Variants in GRM3 observed in about 807,000 individuals in gnomAD.
GRM3 encodes glutamate metabotropic receptor 3, also known as metabotropic glutamate receptor 3.
In GRM3, 26 loss-of-function variants were observed where a neutral mutation model predicts 70.5. The ratio of observed to expected loss-of-function variants is 0.37; its 90% confidence interval spans 0.27 to 0.51. The LOEUF is 0.51. GRM3 is among the 20% of genes least tolerant of loss of function. The probability of loss-of-function intolerance (pLI) is 0.93; values close to 1 mark genes in which losing one functional copy is unlikely to be tolerated. For missense variants in GRM3, 859 were observed against 1,123.8 expected (o/e 0.76, Z 3.37); for synonymous variants, 443 against 434.9 (o/e 1.02, Z -0.23).
chr7:86,651,220 A>G (rs1372485201), intron 1 of GRM3, among the ~76,000 whole-genome samples: 6 of 152,158 alleles, frequency 3.9e-5, no homozygotes, highest in Admixed American at 6.5e-5. Context: ...ACACAACCAA[A>G]GGGCTGAAAC....
intron 1 of GRM3, among the ~76,000 whole-genome samples, chr7:86,705,539 G>GT (rs1440170756): frequency 2.0e-5 from 3 of 152,058 alleles, no homozygotes; most frequent in African/African-American, 7.2e-5. Context: ...TTGTGAGCAA[G>GT]TAGACAAAGC....
In GRM3 at chr7:86,667,020, G is replaced by A. The variant is rs1008162697; in HGVS notation, c.-141+22148G>A. 4.6e-5 allele frequency among the ~76,000 whole-genome samples: 7 copies of A among 152,150 alleles called. No individual in the cohort carries two copies. In the East Asian group the frequency reaches 9.7e-4, roughly 21 times the overall value. On this transcript the variant is annotated intron_variant, in intron 1 of 5. Transcript: ENST00000361669. ...ATTTATATAAAGCATATTTCTTTCT[G>A]GAAGTTTGATCTCATTTTCAAGCTC...
intron 1 of GRM3, among the ~76,000 whole-genome samples, chr7:86,676,235 G>C (rs1297351336): frequency 1.3e-5 from 2 of 151,860 alleles, no homozygotes; most frequent in Non-Finnish European, 2.9e-5. Context: ...AAGAGATGAA[G>C]TACATCTCAC....
chr7:86,727,559 G>A (rs1021824591), intron 1 of GRM3, among the ~76,000 whole-genome samples: 9 of 152,126 alleles, frequency 5.9e-5, no homozygotes, highest in Admixed American at 3.9e-4. Flanking sequence ...TTTCTTGAGG[G>A]CAGAAACCTT....
intron 1 of GRM3, among the ~76,000 whole-genome samples, chr7:86,758,171 A>C (rs1303479678): frequency 1.3e-5 from 2 of 152,158 alleles, no homozygotes; most frequent in African/African-American, 4.8e-5. Flanking sequence ...TATGCAGAAT[A>C]CTCTGAAATT....
In GRM3 at chr7:86,784,184, T is replaced by C. The variant is rs1029783643; in HGVS notation, c.469-2077T>C. On this transcript the variant is annotated intron_variant, in intron 2 of 5. Transcript: ENST00000361669. ...CTCGTACATCCTGGAGAGTTAGACA[T>C]GAAGCCTATCATTGAAAAACAAGAA... is the stretch of plus-strand genomic sequence containing the variant. The C allele has an allele frequency of 2.6e-5, 4 of 152,078 alleles. 1 individual carries two copies. The highest frequency in any genetic ancestry group is 2.6e-4 in the Admixed American group (4 of 15,280). The allele number at this position is 152,078 out of a possible 1,614,324, so 9.4% of individuals were successfully genotyped here. A position where few individuals can be genotyped will look rare whatever the true frequency, so the allele number is the denominator to read the frequency against.
intron 1 of GRM3, among the ~76,000 whole-genome samples, chr7:86,704,041 A>T (rs1049973047): frequency 6.6e-6 from 1 of 151,886 alleles, no homozygotes; most frequent in Admixed American, 6.6e-5. Flanking sequence ...TCATCTCTCT[A>T]CTTACCTCAG....
intron 3 of GRM3, among the ~76,000 whole-genome samples, chr7:86,838,237 A>C (rs1387967629): frequency 6.6e-6 from 1 of 152,234 alleles, no homozygotes; most frequent in African/African-American, 2.4e-5. Context: ...AATTAATGTC[A>C]ATATTAAATT....
intron 4 of GRM3, among the ~76,000 whole-genome samples, chr7:86,843,256 G>A (rs1006731853): frequency 1.3e-5 from 2 of 152,138 alleles, no homozygotes; most frequent in Non-Finnish European, 2.9e-5. Context: ...TTAGAAAGAT[G>A]AGTAAACAGA....
chr7:86,824,645 G>A (rs1301346523), intron 3 of GRM3, among the ~76,000 whole-genome samples: 1 of 152,178 alleles, frequency 6.6e-6, no homozygotes, highest in African/African-American at 2.4e-5. Context: ...AGTTGGATAT[G>A]TGATTACCAT....
At chr7:86,768,146 G>T (rs1796652744) in intron 2 of GRM3, among the ~76,000 whole-genome samples, 1 of 152,120 alleles carries the variant, frequency 6.6e-6, no homozygotes, top group South Asian at 2.1e-4. Flanking sequence ...TCTGTAAAAT[G>T]AAGAAAATAT....
chr7:86,811,971 A>G (rs1797918699), intron 3 of GRM3, among the ~76,000 whole-genome samples: 2 of 151,574 alleles, frequency 1.3e-5, no homozygotes, highest in Non-Finnish European at 3.0e-5. Flanking sequence ...ATTTCTATAT[A>G]ATAGAAATTA....
intron 2 of GRM3, among the ~76,000 whole-genome samples, chr7:86,777,485 G>A (rs1416899283): frequency 6.6e-6 from 1 of 152,118 alleles, no homozygotes; most frequent in African/African-American, 2.4e-5. Flanking sequence ...ATGGATCTTT[G>A]ACTCAAGTGT....
At chr7:86,710,165 C>A (rs1795160374) in intron 1 of GRM3, 1 of 152,020 alleles carries the variant, frequency 6.6e-6, no homozygotes, top group African/African-American at 2.4e-5. Context: ...ATTGTCTTAT[C>A]TTTTCATTTT....
At chr7:86,700,202 T>C (rs1205735083) in intron 1 of GRM3, among the ~76,000 whole-genome samples, 1 of 151,980 alleles carries the variant, frequency 6.6e-6, no homozygotes, top group Admixed American at 6.6e-5. Context: ...CAGGAATACC[T>C]AAATCTGCAT....
At chr7:86,759,312 T>C (rs1796423482) in intron 1 of GRM3, among the ~76,000 whole-genome samples, 1 of 152,180 alleles carries the variant, frequency 6.6e-6, no homozygotes, top group Admixed American at 6.5e-5. Flanking sequence ...CAATTCAGCA[T>C]CACAAAGTCA....
Position 86,786,836 on chromosome 7 carries a change from C to A in GRM3, c.1044C>A (p.Asn348Lys). ...TCAACCCCTACAACAACCACCGCAACCCCTGGTTCCGGGACTTCTGGGAGC... is the reference window on the plus strand; with the variant it reads ...TCAACCCCTACAACAACCACCGCAAACCCTGGTTCCGGGACTTCTGGGAGC... ...QSLNPYNNHR[N>K]PWFRDFWEQK... Residue 348 changes from asparagine to lysine, a missense_variant, in exon 3 of 6, where the codon AAC (asparagine) becomes AAA (lysine). Coordinates refer to ENST00000361669, the MANE Select transcript of GRM3 (RefSeq NM_000840.3). The surrounding 1 kb of genome is among the most constrained non-coding windows in gnomAD (Gnocchi z 6.0). 1 of 1,614,244 alleles carries A rather than the reference C, an allele frequency of 6.2e-7. No homozygotes were observed. Among genetic ancestry groups the A allele is most frequent in the Non-Finnish European group, 8.5e-7 (1 of 1,180,038 alleles).
intron 2 of GRM3, among the ~76,000 whole-genome samples, chr7:86,770,497 A>T (rs1368044354): frequency 1.3e-5 from 2 of 152,062 alleles, no homozygotes; most frequent in Non-Finnish European, 2.9e-5. Context: ...GAGAAGAATA[A>T]CTCCTGAAAT....
chr7:86,757,308 T>C (rs1796368977), intron 1 of GRM3, among the ~76,000 whole-genome samples: 1 of 152,208 alleles, frequency 6.6e-6, no homozygotes, highest in Non-Finnish European at 1.5e-5. Flanking sequence ...AGTTTGAGTT[T>C]TGTCCTAACA....
Sources: gnomAD v4.1 joint callset for allele counts (sites outside exome capture counted in the v4.1 genomes callset) on GRCh38, gnomAD v4.1.1 for gene constraint, Gnocchi (gnomAD v3.1) non-coding constraint, MANE v1.5 for transcripts, NCBI Gene and HGNC (gene_info 2026-07-23, HGNC 2026-07-21) for gene names.